RP2: variants seen among roughly 807,000 people sequenced by gnomAD.
RP2 encodes the protein RP2 activator of ARL3 GTPase, also known as protein XRP2.
A neutral mutation model predicts 20.3 loss-of-function variants in RP2; 3 were observed. The observed-to-expected ratio is 0.15, with a 90% CI of 0.07 to 0.38. The LOEUF (loss-of-function observed/expected upper bound fraction) is 0.38. RP2 is among the 10% of genes least tolerant of loss of function. The probability of loss-of-function intolerance (pLI) is 1.00; values close to 1 mark genes in which losing one functional copy is unlikely to be tolerated. For synonymous variants in RP2, 75 were observed against 94.8 expected, an observed-to-expected ratio of 0.79 and a Z score of 1.22; for missense variants, 233 against 268.5, an observed-to-expected ratio of 0.87 and a Z score of 0.92.
intron 3 of RP2, among the ~76,000 whole-genome samples, chrX:46,876,831 A>G (rs1925379735): frequency 8.9e-6 from 1 of 112,350 alleles, no homozygotes; most frequent in South Asian, 3.6e-4. Context: ...CTTTCAATAC[A>G]TTTGTAATTT....
Position 46,847,497 on chromosome X carries a change from C to G in RP2, c.103-5979C>G, listed in dbSNP as rs145546424. 2.4e-4 allele frequency among the ~76,000 whole-genome samples: 25 copies of G among 106,245 alleles called. No individual in the cohort carries two copies. The East Asian group carries it at 7.5e-3, about 32-fold the overall frequency. The allele number at this position is 106,245 out of a possible 115,157, so 92.3% of individuals were successfully genotyped here. On this transcript the variant is annotated intron_variant, in intron 1 of 4. Transcript: ENST00000218340. ...CCAGGTTGGAGTACAGTGGCGCGATCTCGGTTCACTGCACTATATGTATAT... is the reference window on the plus strand; with the variant it reads ...CCAGGTTGGAGTACAGTGGCGCGATGTCGGTTCACTGCACTATATGTATAT...
Position 46,847,767 on chromosome X carries a change from T to TATGTGTGTGTGTATATACACAC in RP2, c.103-5709_103-5708insATGTGTGTGTGTATATACACAC, listed in dbSNP as rs781898428. Among the ~76,000 whole-genome samples the TATGTGTGTGTGTATATACACAC allele has an allele frequency of 1.0e-3, 70 of 68,487 alleles. No individual in the cohort carries two copies. The East Asian group carries it at 0.017, about 17-fold the overall frequency. The allele number at this position is 68,487 out of a possible 115,157, so 59.5% of individuals were successfully genotyped here. On this transcript the variant is annotated intron_variant, in intron 1 of 4. Coordinates refer to ENST00000218340, the MANE Select transcript of RP2 (RefSeq NM_006915.3). ...ATATGTGTGTGTGTATATACACACA[T>TATGTGTGTGTGTATATACACAC]GTGTGTGTGTACATACACACATGTG...
At chrX:46,864,736 C>T (rs1363597351) in intron 3 of RP2, among the ~76,000 whole-genome samples, 1 of 111,807 alleles carries the variant, frequency 8.9e-6, no homozygotes, top group Admixed American at 9.5e-5. Context: ...TACTCCCACC[C>T]CAGAAAGCCT....
In RP2 at chrX:46,877,517, C is replaced by T; in HGVS notation, c.896C>T (p.Ala299Val). Residue 299 changes from alanine to valine, a missense_variant, in exon 4 of 5, where the codon GCC becomes GTC. Coordinates refer to ENST00000218340, the MANE Select transcript of RP2 (RefSeq NM_006915.3). Reference sequence around the variant, plus strand: ...GGTTTGCTTATAGGTCCTGTTATTGCCTTGGAGTTTAATGGGGATGGTGCT... The same window carrying T: ...GGTTTGCTTATAGGTCCTGTTATTGTCTTGGAGTTTAATGGGGATGGTGCT... ...LPLLNKGPVIALEFNGDGAVE... is the reference protein window; with the variant it reads ...LPLLNKGPVIVLEFNGDGAVE... 2 of 1,202,361 alleles carry T rather than the reference C, an allele frequency of 1.7e-6. No homozygotes were observed. Among genetic ancestry groups the T allele is most frequent in the Non-Finnish European group, 2.3e-6 (2 of 887,190 alleles).
chrX:46,849,663 G>C (rs1482429253), intron 1 of RP2, among the ~76,000 whole-genome samples: 6 of 112,111 alleles, frequency 5.4e-5, no homozygotes, highest in African/African-American at 1.6e-4. Flanking sequence ...TTATACTACA[G>C]AACTATTTAG....
chrX:46,847,774 G>GTATATACACACATA (rs199580155), intron 1 of RP2, among the ~76,000 whole-genome samples: 6 of 79,222 alleles, frequency 7.6e-5, no homozygotes, highest in African/African-American at 3.6e-4. Flanking sequence ...ACATGTGTGT[G>GTATATACACACATA]TGTACATACA....
At chrX:46,847,620 A>G (rs1001190229) in intron 1 of RP2, among the ~76,000 whole-genome samples, 2 of 103,721 alleles carry the variant, frequency 1.9e-5, no homozygotes, top group African/African-American at 7.0e-5. Flanking sequence ...GCACAAATCA[A>G]TGGAATAGAG....
intron 2 of RP2, among the ~76,000 whole-genome samples, chrX:46,856,655 C>A (rs1389193686): frequency 9.0e-6 from 1 of 111,430 alleles, no homozygotes; most frequent in Non-Finnish European, 1.9e-5. Flanking sequence ...ACACCTTAAC[C>A]CTTAAACATG....
chrX:46,875,193 T>C (rs1556327507), intron 3 of RP2, among the ~76,000 whole-genome samples: 1 of 110,350 alleles, frequency 9.1e-6, no homozygotes, highest in South Asian at 3.9e-4. Context: ...TTGTAGAGTT[T>C]CCTGCAGTCT....
chrX:46,870,594 C>A (rs1238146616), intron 3 of RP2, among the ~76,000 whole-genome samples: 1 of 111,656 alleles, frequency 9.0e-6, no homozygotes, highest in Admixed American at 9.5e-5. Flanking sequence ...ACAAAAAGCA[C>A]AAAAATGTGA....
At chrX:46,855,912 C>A (rs1178513210) in intron 2 of RP2, among the ~76,000 whole-genome samples, 1 of 111,544 alleles carries the variant, frequency 9.0e-6, no homozygotes, top group African/African-American at 3.3e-5. Flanking sequence ...GTAGAAATGT[C>A]TGAAATCCAC....
intron 2 of RP2, among the ~76,000 whole-genome samples, chrX:46,854,813 G>T (rs1398430216): frequency 9.1e-6 from 1 of 109,869 alleles, no homozygotes; most frequent in Non-Finnish European, 1.9e-5. Flanking sequence ...TCACCCAGCC[G>T]GAGTGCAGTG....
chrX:46,856,484 T>TA (rs1924960885), intron 2 of RP2, among the ~76,000 whole-genome samples: 1 of 112,289 alleles, frequency 8.9e-6, no homozygotes, highest in South Asian at 3.7e-4. Flanking sequence ...TTAAATGAAT[T>TA]AACTCAATAC....
chrX:46,873,926 G>A (rs1556327256), intron 3 of RP2, among the ~76,000 whole-genome samples: 1 of 107,166 alleles, frequency 9.3e-6, no homozygotes, highest in Non-Finnish European at 1.9e-5. Context: ...AATGAAGCAG[G>A]CCTCCATCCT....
chrX:46,871,627 G>T (rs1925292465), intron 3 of RP2, among the ~76,000 whole-genome samples: 1 of 111,902 alleles, frequency 8.9e-6, no homozygotes, highest in South Asian at 3.7e-4. Context: ...GCTTATCTTG[G>T]TGAATATTCT....
rs1364634346 is a variant in RP2, at chrX:46,862,583, C to A, written c.883+2481C>A. Among the ~76,000 whole-genome samples the A allele has an allele frequency of 1.4e-4, 16 of 110,366 alleles. 1 individual carries two copies. The highest frequency in any genetic ancestry group is 2.5e-4 in the Non-Finnish European group (13 of 52,772). ...GCTGAGGCAGGAGAATGGCGTGAACCCGGGAGGTGGAGCTTGCAGTGAGCC... is the reference window on the plus strand; with the variant it reads ...GCTGAGGCAGGAGAATGGCGTGAACACGGGAGGTGGAGCTTGCAGTGAGCC... On this transcript the variant is annotated intron_variant, in intron 3 of 4. Coordinates refer to ENST00000218340, the MANE Select transcript of RP2 (RefSeq NM_006915.3).
intron 1 of RP2, among the ~76,000 whole-genome samples, chrX:46,841,689 C>T (rs1188583787): frequency 8.9e-6 from 1 of 112,416 alleles, no homozygotes; most frequent in African/African-American, 3.2e-5. Context: ...TTGGATGTGG[C>T]AGGAGTAATG....
At chrX:46,867,651 A>T (rs782176714) in intron 3 of RP2, among the ~76,000 whole-genome samples, 1 of 100,298 alleles carries the variant, frequency 1.0e-5, no homozygotes, top group African/African-American at 3.7e-5. Flanking sequence ...ATTCCCCCCC[A>T]CCCCACTGTC....
At chrX:46,871,595 G>T (rs782093457) in intron 3 of RP2, among the ~76,000 whole-genome samples, 13 of 112,178 alleles carry the variant, frequency 1.2e-4, no homozygotes, top group African/African-American at 4.2e-4. Flanking sequence ...ATATTAAAAT[G>T]TATTTTATGG....
Sources: gnomAD v4.1 joint callset for allele counts (sites outside exome capture counted in the v4.1 genomes callset) on GRCh38, gnomAD v4.1.1 for gene constraint, MANE v1.5 for transcripts, NCBI Gene and HGNC (gene_info 2026-07-23, HGNC 2026-07-21) for gene names.